HMGCLL1: variants seen among roughly 807,000 people sequenced by gnomAD.
HMGCLL1 encodes 3-hydroxy-3-methylglutaryl-CoA lyase like 1, also known as 3-hydroxymethyl-3-methylglutaryl-CoA lyase, cytoplasmic.
A neutral mutation model predicts 39.1 loss-of-function variants in HMGCLL1; 36 were observed. The ratio of observed to expected loss-of-function variants is 0.92; its 90% CI spans 0.71 to 1.22. The LOEUF (loss-of-function observed/expected upper bound fraction) is 1.22, where lower values mean the gene tolerates loss of function less well. Ranked by LOEUF, HMGCLL1 falls within the 50% of genes most tolerant of loss-of-function variation. HMGCLL1 has a pLI of 0.00. For synonymous variants in HMGCLL1, 149 were observed against 144.0 expected (o/e 1.03, Z -0.25); for missense variants, 451 against 416.5 (o/e 1.08, Z -0.72).
intron 7 of HMGCLL1, among the ~76,000 whole-genome samples, chr6:55,453,535 A>C (rs1400009615): frequency 2.0e-5 from 3 of 152,172 alleles, no homozygotes; most frequent in Admixed American, 1.3e-4. Context: ...GATCATGGGA[A>C]GCCCTGTGCC....
At chr6:55,571,512 T>A (rs1270668652) in intron 1 of HMGCLL1, among the ~76,000 whole-genome samples, 1 of 151,954 alleles carries the variant, frequency 6.6e-6, no homozygotes, top group Non-Finnish European at 1.5e-5. Flanking sequence ...ATAAACATAG[T>A]AATAGATCAA....
chr6:55,648,920 G>A, the HMGCLL1 span, among the ~76,000 whole-genome samples: 1 of 147,616 alleles, frequency 6.8e-6, no homozygotes. Context: ...CCAAAAAAGA[G>A]AATTTTAGAC....
chr6:55,678,461 T>A, the HMGCLL1 span, among the ~76,000 whole-genome samples: 1 of 152,090 alleles, frequency 6.6e-6, no homozygotes, highest in Non-Finnish European at 1.5e-5. Context: ...CCAACCTATG[T>A]GTAATGACTG....
chr6:55,661,063 GT>G, the HMGCLL1 span, among the ~76,000 whole-genome samples: 1 of 151,812 alleles, frequency 6.6e-6, no homozygotes, highest in Non-Finnish European at 1.5e-5. Flanking sequence ...TAATGGGGTT[GT>G]TTGTTTTTTC....
intron 7 of HMGCLL1, among the ~76,000 whole-genome samples, chr6:55,446,390 A>G (rs945922933): frequency 6.6e-6 from 1 of 151,350 alleles, no homozygotes; most frequent in Admixed American, 6.6e-5. Flanking sequence ...TTGGCTTCTC[A>G]TTTTCTCTAA....
chr6:55,543,070 A>G (rs1304168019), intron 1 of HMGCLL1, among the ~76,000 whole-genome samples: 1 of 85,426 alleles, frequency 1.2e-5, no homozygotes, highest in Non-Finnish European at 2.0e-5. Context: ...GATATATAAT[A>G]TATATACAGG....
At chr6:55,597,516 A>T in the HMGCLL1 span, among the ~76,000 whole-genome samples, 4 of 144,972 alleles carry the variant, frequency 2.8e-5, no homozygotes, top group Non-Finnish European at 4.6e-5. Flanking sequence ...TTAAGATGTT[A>T]AAAAAAAAAA....
chr6:55,654,807 A>T, the HMGCLL1 span, among the ~76,000 whole-genome samples: 46 of 151,832 alleles, frequency 3.0e-4, no homozygotes, highest in African/African-American at 1.1e-3. Flanking sequence ...TTCTCTGTCA[A>T]CCCTTTCCAG....
At chr6:55,553,351 T>C (rs1368837579) in intron 1 of HMGCLL1, among the ~76,000 whole-genome samples, 4 of 151,334 alleles carry the variant, frequency 2.6e-5, no homozygotes, top group African/African-American at 2.4e-5. Flanking sequence ...GGCAGGAGAA[T>C]TGCTTGAACC....
At chr6:55,609,309 A>G in the HMGCLL1 span, among the ~76,000 whole-genome samples, 1 of 152,148 alleles carries the variant, frequency 6.6e-6, no homozygotes, top group Middle Eastern at 3.2e-3. Context: ...GGCAGCAGCC[A>G]TCACTGTATC....
intron 3 of HMGCLL1, 28 bp downstream of exon 3, chr6:55,541,701 C>T: frequency 8.9e-7 from 1 of 1,120,496 alleles, no homozygotes; most frequent in Non-Finnish European, 1.3e-6. Flanking sequence ...GAATTAGGAT[C>T]TAATTAAGAA....
chr6:55,650,125 ATATATATATACACACACACACACATATG>A, the HMGCLL1 span, among the ~76,000 whole-genome samples: 1 of 72,386 alleles, frequency 1.4e-5, no homozygotes, highest in Admixed American at 1.5e-4. Flanking sequence ...ATATATATAT[ATATATATATACACACACACACACATATG>A]TATATATTTC....
chr6:55,490,492 G>T (rs1766254849), intron 7 of HMGCLL1, among the ~76,000 whole-genome samples: 1 of 152,036 alleles, frequency 6.6e-6, no homozygotes, highest in South Asian at 2.1e-4. Context: ...TCTACTACTT[G>T]CCCATTTGAT....
At chr6:55,586,878 C>T in the HMGCLL1 span, among the ~76,000 whole-genome samples, 3 of 151,974 alleles carry the variant, frequency 2.0e-5, no homozygotes, top group Admixed American at 6.6e-5. Flanking sequence ...GTCTTTATAG[C>T]AGCATGATTT....
the HMGCLL1 span, among the ~76,000 whole-genome samples, chr6:55,615,902 T>G: frequency 5.9e-5 from 9 of 152,080 alleles, no homozygotes; most frequent in Non-Finnish European, 1.3e-4. Flanking sequence ...ACAGAAAGTT[T>G]AATAGAAAGT....
chr6:55,537,923 T>C (rs1283480162), intron 3 of HMGCLL1, among the ~76,000 whole-genome samples: 1 of 152,160 alleles, frequency 6.6e-6, no homozygotes, highest in African/African-American at 2.4e-5. Context: ...AATCATATCA[T>C]TTTATAGTCC....
the HMGCLL1 span, among the ~76,000 whole-genome samples, chr6:55,590,777 T>A: frequency 6.6e-6 from 1 of 152,098 alleles, no homozygotes; most frequent in East Asian, 1.9e-4. Context: ...GACACTAATT[T>A]TAAAGTATTT....
At chr6:55,442,812 G>A (rs1424689697) in intron 7 of HMGCLL1, among the ~76,000 whole-genome samples, 2 of 152,148 alleles carry the variant, frequency 1.3e-5, no homozygotes, top group African/African-American at 4.8e-5. Context: ...CAGTAAGAAT[G>A]GGGAATTATA....
the HMGCLL1 span, among the ~76,000 whole-genome samples, chr6:55,653,451 C>T: frequency 6.6e-6 from 1 of 151,932 alleles, no homozygotes; most frequent in Admixed American, 6.6e-5. Context: ...AGAAAAAATA[C>T]ATTTTTTATT....
Sources: allele counts gnomAD v4.1 joint callset (sites outside exome capture counted in the v4.1 genomes callset), GRCh38; gene constraint gnomAD v4.1.1; transcripts MANE v1.5; gene names NCBI Gene and HGNC (gene_info 2026-07-23, HGNC 2026-07-21).